The following BTBD10 variants were observed in gnomAD, a reference collection of about 807,000 sequenced individuals.
BTBD10 encodes BTB domain containing 10, also known as BTB/POZ domain-containing protein 10.
BTBD10 carries 21 observed loss-of-function variants against 53.2 expected under a neutral mutation model. That is an observed-to-expected ratio of 0.39 (90% CI 0.28 to 0.57). The LOEUF is 0.57. Among genes scored for constraint, BTBD10 ranks in the 20% least tolerant of loss-of-function variants. BTBD10 has a pLI of 0.53. For missense variants in BTBD10, 360 were observed against 594.7 expected (o/e 0.61, Z 4.10); for synonymous variants, 149 against 192.7 (o/e 0.77, Z 1.88).
intron 8 of BTBD10, among the ~76,000 whole-genome samples, chr11:13,400,140 C>T (rs993566001): frequency 1.3e-5 from 2 of 152,230 alleles, no homozygotes; most frequent in Admixed American, 6.5e-5. Context: ...GCCCTGCCCC[C>T]AAAGGGGGAG....
chr11:13,395,447 T>C (rs1949521945), intron 8 of BTBD10, among the ~76,000 whole-genome samples: 1 of 152,202 alleles, frequency 6.6e-6, no homozygotes, highest in South Asian at 2.1e-4. Context: ...TAGCCCTTTG[T>C]CAGATGAGTA....
At chr11:13,440,549 T>C (rs1016951538) in intron 2 of BTBD10, among the ~76,000 whole-genome samples, 5 of 152,210 alleles carry the variant, frequency 3.3e-5, no homozygotes, top group Admixed American at 6.5e-5. Context: ...TTATTGTACT[T>C]AATTAAGAAT....
At position 13,421,652 on chromosome 11, in the gene BTBD10, C is replaced by T. The variant is rs372460228; in HGVS notation, c.288G>A (p.Gln96=). ...CIRNVTSPTR[Q]HHVEREKDHS... is the part of the protein sequence containing the mutation. ...GTTGATTTTACATACCAACATGGTG[C>T]TGTCGTGTTGGAGAAGTCACATTTC... Residue 96 remains glutamine (Q), a synonymous_variant, in exon 3 of 9, where the codon CAG becomes CAA. Coordinates refer to ENST00000278174, the MANE Select transcript of BTBD10 (RefSeq NM_032320.7). 3.0e-5 allele frequency: 48 copies of T among 1,612,192 alleles called. No individual in the cohort carries two copies. Among genetic ancestry groups the T allele is most frequent in the Non-Finnish European group, 4.1e-5 (48 of 1,179,028 alleles).
chr11:13,435,445 A>G (rs1591152124), intron 2 of BTBD10, among the ~76,000 whole-genome samples: 1 of 152,164 alleles, frequency 6.6e-6, no homozygotes, highest in Admixed American at 6.5e-5. Flanking sequence ...CAAATACAAG[A>G]CTCAGTTTTT....
intron 1 of BTBD10, among the ~76,000 whole-genome samples, chr11:13,458,535 C>G (rs370106146): frequency 1.2e-4 from 18 of 152,314 alleles, no homozygotes; most frequent in African/African-American, 3.8e-4. Flanking sequence ...GTATTCTAGT[C>G]TCAGCTGTCT....
intron 8 of BTBD10, among the ~76,000 whole-genome samples, chr11:13,394,628 G>A (rs1052608740): frequency 1.7e-4 from 26 of 152,106 alleles, no homozygotes; most frequent in Non-Finnish European, 1.0e-4. Flanking sequence ...CATGTGCCAT[G>A]TTGGTGTGCT....
intron 2 of BTBD10, among the ~76,000 whole-genome samples, chr11:13,437,912 T>C (rs1386377257): frequency 1.3e-5 from 2 of 152,116 alleles, no homozygotes; most frequent in Non-Finnish European, 1.5e-5. Flanking sequence ...TGCAGTTCCT[T>C]TTATAAGATG....
chr11:13,393,513 C>T (rs1949459532), intron 8 of BTBD10, among the ~76,000 whole-genome samples: 1 of 152,038 alleles, frequency 6.6e-6, no homozygotes. Flanking sequence ...CTCAACACTT[C>T]TGCTGGGGTT....
intron 8 of BTBD10, among the ~76,000 whole-genome samples, chr11:13,392,333 C>G (rs10466409): frequency 0.99 from 151,410 of 152,256 alleles, 75,290 homozygotes; most frequent in Middle Eastern, 1. Flanking sequence ...GGTAGGCAGA[C>G]AGAGTATCAT....
chr11:13,413,351 G>C (rs370351252), intron 6 of BTBD10, among the ~76,000 whole-genome samples, 179 bp downstream of exon 6: 1 of 152,160 alleles, frequency 6.6e-6, no homozygotes, highest in African/African-American at 2.4e-5. Flanking sequence ...TTGGAAAATT[G>C]CACAAGGAGA....
At chr11:13,444,707 A>G (rs1010381752) in intron 2 of BTBD10, among the ~76,000 whole-genome samples, 1 of 152,198 alleles carries the variant, frequency 6.6e-6, no homozygotes, top group Non-Finnish European at 1.5e-5. Flanking sequence ...AATTCCTATT[A>G]GAGAGTTTTA....
chr11:13,415,487 G>A (rs1423502473), intron 5 of BTBD10, among the ~76,000 whole-genome samples: 1 of 151,906 alleles, frequency 6.6e-6, no homozygotes, highest in East Asian at 1.9e-4. Context: ...CTGACCAACA[G>A]CACCTCCTCC....
At chr11:13,453,123 C>T (rs915683257) in intron 1 of BTBD10, among the ~76,000 whole-genome samples, 10 of 151,948 alleles carry the variant, frequency 6.6e-5, no homozygotes, top group Admixed American at 1.3e-4. Context: ...TCTAGTTTAT[C>T]GGTTAAAACT....
intron 2 of BTBD10, among the ~76,000 whole-genome samples, chr11:13,438,339 T>C (rs1950580997): frequency 6.6e-6 from 1 of 152,072 alleles, no homozygotes; most frequent in African/African-American, 2.4e-5. Flanking sequence ...TGAAGATCTT[T>C]CTCTGTCAGA....
Position 13,419,726 on chromosome 11 carries a change from A to G in BTBD10, c.318T>C (p.Ser106=), listed in dbSNP as rs1235872200. The part of the protein sequence containing the change: ...QHHVEREKDH[S]SSRPSSPRPQ... ...GACGCGGACTGCTTGGACGAGAGGA[A>G]CTGTGATCTTTTTCTCGTTCTGAAA... Residue 106 remains serine, a synonymous_variant, in exon 4 of 9, where the codon AGT becomes AGC. Transcript: ENST00000278174. 1 of 1,585,780 alleles carries G rather than the reference A, an allele frequency of 6.3e-7. No homozygotes were observed. Among genetic ancestry groups the G allele is most frequent in the African/African-American group, 1.4e-5 (1 of 73,636 alleles).
rs140132555 is a variant in BTBD10 at position 13,453,819 on chromosome 11, C to T, written c.-57-8638G>A. Among the ~76,000 whole-genome samples the T allele has an allele frequency of 5.3e-3, 809 of 152,118 alleles. 11 individuals are homozygous for T. The highest frequency in any genetic ancestry group is 0.018 in the African/African-American group (766 of 41,490). ...CTGTAATCCCAGCACTTTGGGAGGC[C>T]GAGGCAGGTGGATCACGAGGTCAGA... On this transcript the variant is annotated intron_variant, in intron 1 of 8. Transcript: ENST00000278174.
chr11:13,430,974 T>TACACACACACACAC (rs3046409), intron 2 of BTBD10, among the ~76,000 whole-genome samples: 4,366 of 144,414 alleles, frequency 0.03, 72 homozygotes, highest in South Asian at 0.046. Context: ...TGGAGATACA[T>TACACACACACACAC]ACACACACAC....
At chr11:13,421,428 C>T (rs561694229) in intron 3 of BTBD10, among the ~76,000 whole-genome samples, 1 of 152,254 alleles carries the variant, frequency 6.6e-6, no homozygotes, top group East Asian at 1.9e-4. Flanking sequence ...TTTTATAAGA[C>T]TGTCCCAGAG....
intron 2 of BTBD10, among the ~76,000 whole-genome samples, chr11:13,443,956 T>C (rs1419702449): frequency 1.3e-5 from 2 of 151,896 alleles, no homozygotes; most frequent in East Asian, 1.9e-4. Context: ...AAGCCCCAGT[T>C]TGGATGCTGA....
Sources: allele counts gnomAD v4.1 joint callset (sites outside exome capture counted in the v4.1 genomes callset), GRCh38; gene constraint gnomAD v4.1.1; transcripts MANE v1.5; gene names NCBI Gene and HGNC (gene_info 2026-07-23, HGNC 2026-07-21).